Variants in ENTPD7 observed in about 807,000 individuals in gnomAD.
The protein encoded by ENTPD7 is NTPDase 7.
A neutral mutation model predicts 77.9 loss-of-function variants in ENTPD7; 53 were observed. The observed-to-expected ratio is 0.68, with a 90% CI of 0.55 to 0.85. The LOEUF (loss-of-function observed/expected upper bound fraction) is 0.85. Ranked by LOEUF, ENTPD7 falls within the 40% of genes least tolerant of loss-of-function variation. The pLI is 0.00. For synonymous variants in ENTPD7, 248 were observed against 274.9 expected, an observed-to-expected ratio of 0.90 and a Z score of 0.97; for missense variants, 636 against 743.7, an observed-to-expected ratio of 0.86 and a Z score of 1.68.
chr10:99,698,063 C>G (rs1425952262), intron 9 of ENTPD7: 3 of 188,142 alleles, frequency 1.6e-5, no homozygotes, highest in East Asian at 2.8e-4. Flanking sequence ...CATTCAGAGG[C>G]AGGCATGGGC....
chr10:99,688,254 T>C (rs559502413), intron 6 of ENTPD7, among the ~76,000 whole-genome samples: 18 of 152,282 alleles, frequency 1.2e-4, no homozygotes, highest in Admixed American at 9.8e-4. Flanking sequence ...ACTGGCTTGG[T>C]GGTAGTTTAA....
At chr10:99,687,301 C>T (rs1197736769) in intron 6 of ENTPD7, among the ~76,000 whole-genome samples, 2 of 103,790 alleles carry the variant, frequency 1.9e-5, no homozygotes, top group Non-Finnish European at 3.5e-5. Flanking sequence ...GAGTCTCGCT[C>T]TGTCATCCAG....
chr10:99,664,712 G>A (rs1429562654), intron 3 of ENTPD7, among the ~76,000 whole-genome samples: 2 of 149,672 alleles, frequency 1.3e-5, no homozygotes, highest in Admixed American at 6.6e-5. Context: ...GCCTCCCAAA[G>A]TGCTGGAATT....
At chr10:99,685,629 C>G (rs886075501) in intron 5 of ENTPD7, among the ~76,000 whole-genome samples, 163 bp from the exon 6 acceptor site, 3 of 152,042 alleles carry the variant, frequency 2.0e-5, no homozygotes, top group Non-Finnish European at 2.9e-5. Flanking sequence ...GCAGTTTAAA[C>G]TTTTAAAATC....
rs777094818 is a variant in ENTPD7, at chr10:99,701,067, C to T, written c.1421+9C>T. 1.2e-6 allele frequency: 2 copies of T among 1,608,462 alleles called. No homozygotes were observed. The highest frequency in any genetic ancestry group is 3.3e-5 in the Admixed American group (2 of 59,998). On this transcript the variant is annotated intron_variant, in intron 11 of 12. Transcript: ENST00000370489. ...GATGAGCATCGACTCAAGTAAGTTA[C>T]TTCCCTTTCCTCCTTAGATGTGGAC...
intron 3 of ENTPD7, among the ~76,000 whole-genome samples, chr10:99,665,401 C>G (rs2035536860): frequency 1.3e-5 from 2 of 152,186 alleles, no homozygotes; most frequent in Admixed American, 6.5e-5. Flanking sequence ...CTCTAACAAC[C>G]ATTTCCTGGA....
chr10:99,676,927 T>G (rs1425167431), intron 3 of ENTPD7, among the ~76,000 whole-genome samples: 1 of 152,194 alleles, frequency 6.6e-6, no homozygotes, highest in African/African-American at 2.4e-5. Context: ...CCTGTTCTCT[T>G]TTTTAAAAAA....
chr10:99,682,771 G>A (rs1260981265), intron 5 of ENTPD7, among the ~76,000 whole-genome samples: 1 of 152,166 alleles, frequency 6.6e-6, no homozygotes, highest in African/African-American at 2.4e-5. Flanking sequence ...GAAGAATATA[G>A]ATGACACAAG....
chr10:99,707,625 A>T lies in ENTPD7; in HGVS notation c.*2942A>T, dbSNP rs1233539470. ...ACCAACCACTCTTGTTAACAGAGACAATGAACCTGAACTGTTTTAGGACTC... is the reference window on the plus strand; with the variant it reads ...ACCAACCACTCTTGTTAACAGAGACTATGAACCTGAACTGTTTTAGGACTC... On this transcript the variant is annotated 3_prime_UTR_variant, in exon 13 of 13. Coordinates refer to ENST00000370489, the MANE Select transcript of ENTPD7 (RefSeq NM_020354.5). Among the ~76,000 whole-genome samples, 1 of 152,222 alleles carries T rather than the reference A, an allele frequency of 6.6e-6. No homozygotes were observed. Among genetic ancestry groups the T allele is most frequent in the Non-Finnish European group, 1.5e-5 (1 of 68,032 alleles).
At chr10:99,696,855 G>A (rs1174166249) in intron 9 of ENTPD7, among the ~76,000 whole-genome samples, 1 of 152,204 alleles carries the variant, frequency 6.6e-6, no homozygotes, top group African/African-American at 2.4e-5. Flanking sequence ...TTGGGTGATT[G>A]ATTGTGGTGG....
rs376761338 is a variant in ENTPD7 at position 99,704,823 on chromosome 10, C to T, written c.*140C>T. 10 of 769,246 alleles carry T rather than the reference C, an allele frequency of 1.3e-5. No individual in the cohort carries two copies. Among genetic ancestry groups the T allele is most frequent in the African/African-American group, 1.8e-5 (1 of 56,960 alleles). 47.7% of individuals were successfully genotyped at this position (769,246 alleles called of 1,614,324 possible). ...TTGGAATTTCTACTTTACTTTCTACCGTAATTCCTTCTCCGTACCCAGGTC... is the reference window on the plus strand; with the variant it reads ...TTGGAATTTCTACTTTACTTTCTACTGTAATTCCTTCTCCGTACCCAGGTC... On this transcript the variant is annotated 3_prime_UTR_variant, in exon 13 of 13. Coordinates refer to ENST00000370489, the MANE Select transcript of ENTPD7 (RefSeq NM_020354.5).
In ENTPD7 at chr10:99,707,340, C is replaced by G. The variant is rs1392512709; in HGVS notation, c.*2657C>G. On this transcript the variant is annotated 3_prime_UTR_variant, in exon 13 of 13. Coordinates refer to ENST00000370489, the MANE Select transcript of ENTPD7 (RefSeq NM_020354.5). ...TGGTATGGGCTCCTTTGTTTATTCT[C>G]TTCTCCCAATTAATAGATTTTAAAT... 1.3e-5 allele frequency among the ~76,000 whole-genome samples: 2 copies of G among 152,176 alleles called. No individual in the cohort carries two copies. Among genetic ancestry groups the G allele is most frequent in the Non-Finnish European group, 2.9e-5 (2 of 68,024 alleles).
At chr10:99,684,923 G>GA (rs1001992141) in intron 5 of ENTPD7, among the ~76,000 whole-genome samples, 3 of 150,622 alleles carry the variant, frequency 2.0e-5, no homozygotes, top group Admixed American at 6.6e-5. Context: ...TTTTCACAAT[G>GA]AAAAAAAAAT....
chr10:99,660,052 G>A, intron 2 of ENTPD7, 88 bp downstream of exon 2: 2 of 1,595,524 alleles, frequency 1.3e-6, no homozygotes, highest in Non-Finnish European at 1.7e-6. Context: ...CCCAAGTGAG[G>A]TTTGCCCTGG....
chr10:99,660,539 CA>C (rs1456563698), intron 2 of ENTPD7: 1 of 342,626 alleles, frequency 2.9e-6, no homozygotes, highest in Non-Finnish European at 5.8e-6. Context: ...CACACACACA[CA>C]CACACACACA....
intron 5 of ENTPD7, among the ~76,000 whole-genome samples, chr10:99,681,193 CTCTT>C (rs1407801975): frequency 6.6e-6 from 1 of 152,156 alleles, no homozygotes; most frequent in Non-Finnish European, 1.5e-5. Flanking sequence ...GGGCTCATAT[CTCTT>C]TGAGATCCTG....
At chr10:99,693,809 T>C (rs1436634157) in intron 8 of ENTPD7, among the ~76,000 whole-genome samples, 1 of 151,796 alleles carries the variant, frequency 6.6e-6, no homozygotes, top group Non-Finnish European at 1.5e-5. Flanking sequence ...ACCCTGCTAC[T>C]CAGGAGGCTG....
At chr10:99,698,342 CCT>C (rs567390744) in intron 9 of ENTPD7, among the ~76,000 whole-genome samples, 190 bp from the exon 10 acceptor site, 4 of 152,236 alleles carry the variant, frequency 2.6e-5, no homozygotes, top group East Asian at 1.9e-4. Context: ...TCACCATATT[CCT>C]CTCTTTTTTT....
rs2035453703 is a variant in ENTPD7, at chr10:99,659,825, C to T, written c.-95-37C>T. The T allele has an allele frequency of 3.8e-6, 5 of 1,299,034 alleles. No homozygotes were observed. The South Asian group carries it at 6.5e-5, about 17-fold the overall frequency. 80.5% of individuals were successfully genotyped at this position (1,299,034 alleles called of 1,614,324 possible). On this transcript the variant is annotated intron_variant, in intron 1 of 12. Coordinates refer to ENST00000370489, the MANE Select transcript of ENTPD7 (RefSeq NM_020354.5). The surrounding 1 kb of genome is among the most constrained non-coding windows in gnomAD (Gnocchi z 4.1). ...TTCCCGTGCAGGTTTGTCTCGTGGG[C>T]TCAGTCGGACAGAAGCCTGAAATCA...
Sources: allele counts gnomAD v4.1 joint callset (sites outside exome capture counted in the v4.1 genomes callset), GRCh38; gene constraint gnomAD v4.1.1; non-coding constraint Gnocchi (gnomAD v3.1); transcripts MANE v1.5; gene names NCBI Gene and HGNC (gene_info 2026-07-23, HGNC 2026-07-21).